Variants in LRP1B observed in about 807,000 individuals in gnomAD.
LRP1B encodes the protein low-density lipoprotein receptor-related protein 1B.
A neutral mutation model predicts 556.6 loss-of-function variants in LRP1B; 217 were observed. That is an observed-to-expected ratio of 0.39 (90% CI 0.35 to 0.44). The LOEUF (loss-of-function observed/expected upper bound fraction) is 0.44. LRP1B is among the 20% of genes least tolerant of loss of function. LRP1B has a pLI of 1.00. For missense variants in LRP1B, 5,053 were observed against 5,620.8 expected, an observed-to-expected ratio of 0.90 and a Z score of 3.23; for synonymous variants, 2,047 against 1,865.8, an observed-to-expected ratio of 1.10 and a Z score of -2.50.
chr2:140,580,860 C>A (rs1681733283), intron 43 of LRP1B, among the ~76,000 whole-genome samples: 1 of 152,150 alleles, frequency 6.6e-6, no homozygotes. Context: ...CCAGAAATAT[C>A]CTCCTGGATG....
At chr2:140,868,843 G>A (rs1238977924) in intron 25 of LRP1B, among the ~76,000 whole-genome samples, 1 of 152,046 alleles carries the variant, frequency 6.6e-6, no homozygotes, top group African/African-American at 2.4e-5. Flanking sequence ...GAGGAGAAAT[G>A]TTATTCTCTA....
chr2:140,528,090 G>A (rs1196004371), intron 47 of LRP1B, among the ~76,000 whole-genome samples: 3 of 151,896 alleles, frequency 2.0e-5, no homozygotes, highest in African/African-American at 7.2e-5. Flanking sequence ...CTCCCATAGA[G>A]AATTCTCTGT....
At chr2:141,086,602 G>A (rs1357264293) in intron 7 of LRP1B, among the ~76,000 whole-genome samples, 1 of 149,098 alleles carries the variant, frequency 6.7e-6, no homozygotes, top group African/African-American at 2.5e-5. Flanking sequence ...ATATTTTAAG[G>A]AGGTTAGTAT....
At chr2:140,285,793 T>A (rs1683121655) in intron 84 of LRP1B, among the ~76,000 whole-genome samples, 1 of 151,474 alleles carries the variant, frequency 6.6e-6, no homozygotes, top group African/African-American at 2.4e-5. Flanking sequence ...AGACTATTTT[T>A]AAAAATCATC....
intron 41 of LRP1B, among the ~76,000 whole-genome samples, chr2:140,603,579 C>T (rs185942696): frequency 3.3e-5 from 5 of 152,184 alleles, no homozygotes; most frequent in East Asian, 3.9e-4. Flanking sequence ...TCTTCCTCTT[C>T]GTAACTTTCT....
chr2:141,048,942 T>C (rs200902448), intron 11 of LRP1B, 44 bp downstream of exon 11: 1 of 1,417,664 alleles, frequency 7.1e-7, no homozygotes. Context: ...TTTAAAGTGC[T>C]TCATCTCTGG....
chr2:141,715,434 G>T (rs1413202539), intron 2 of LRP1B, among the ~76,000 whole-genome samples: 1 of 152,050 alleles, frequency 6.6e-6, no homozygotes, highest in African/African-American at 2.4e-5. Context: ...TTGTGCCACT[G>T]CACTCCAGTC....
chr2:140,543,580 T>C (rs1680215851), intron 43 of LRP1B, among the ~76,000 whole-genome samples: 1 of 151,870 alleles, frequency 6.6e-6, no homozygotes, highest in Admixed American at 6.6e-5. Context: ...ACTCAAAAAA[T>C]ATGAATAGAA....
intron 1 of LRP1B, among the ~76,000 whole-genome samples, chr2:141,913,009 C>T (rs1699944269): frequency 6.6e-6 from 1 of 152,068 alleles, no homozygotes; most frequent in Non-Finnish European, 1.5e-5. Context: ...TCCTCTTGAT[C>T]TATCTTAATG....
chr2:140,803,289 T>TG (rs1690584295), intron 32 of LRP1B, among the ~76,000 whole-genome samples: 1 of 143,414 alleles, frequency 7.0e-6, no homozygotes, highest in African/African-American at 2.7e-5. Flanking sequence ...TTTTTTTTTT[T>TG]TCCGAGATGG....
At chr2:141,867,479 A>G (rs755032796) in intron 1 of LRP1B, among the ~76,000 whole-genome samples, 10 of 152,296 alleles carry the variant, frequency 6.6e-5, no homozygotes, top group Non-Finnish European at 2.9e-5. Flanking sequence ...AGATTCCTGT[A>G]TCTTTCAGAA....
At chr2:141,912,719 C>G (rs1237003843) in intron 1 of LRP1B, among the ~76,000 whole-genome samples, 2 of 152,142 alleles carry the variant, frequency 1.3e-5, no homozygotes, top group East Asian at 1.9e-4. Flanking sequence ...GATGTCCTCC[C>G]TATACTAGAA....
intron 1 of LRP1B, among the ~76,000 whole-genome samples, chr2:142,062,476 C>T (rs182225589): frequency 6.5e-4 from 99 of 151,878 alleles, no homozygotes; most frequent in African/African-American, 2.1e-3. Flanking sequence ...AATGGGCTTA[C>T]TTCAACTATA....
At chr2:140,748,833 A>ATAT (rs1688468231) in intron 35 of LRP1B, among the ~76,000 whole-genome samples, 1 of 121,424 alleles carries the variant, frequency 8.2e-6, no homozygotes, top group Non-Finnish European at 1.7e-5. Context: ...TATATCATAT[A>ATAT]TTATATACAT....
chr2:140,678,326 C>T lies in LRP1B; in HGVS notation c.6799+21924G>A, dbSNP rs185893805. Among the ~76,000 whole-genome samples the T allele has an allele frequency of 3.2e-4, 48 of 152,138 alleles. 1 individual carries two copies. In the East Asian group the frequency reaches 5.4e-3, roughly 17 times the overall value. On this transcript the variant is annotated intron_variant, in intron 41 of 90. Transcript: ENST00000389484. ...CTTTTTCTCTCATAAAATATCTTTC[C>T]TTTGGAATAAGAAGCTAATAAAATG...
intron 3 of LRP1B, among the ~76,000 whole-genome samples, chr2:141,414,297 GGAAAA>G (rs1690996987): frequency 6.8e-6 from 1 of 146,132 alleles, no homozygotes; most frequent in African/African-American, 2.5e-5. Context: ...GGGAGGCAGG[GGAAAA>G]GAAAAGAAAA....
intron 3 of LRP1B, among the ~76,000 whole-genome samples, chr2:141,305,476 T>C (rs926567352): frequency 1.3e-5 from 2 of 152,220 alleles, no homozygotes; most frequent in African/African-American, 2.4e-5. Flanking sequence ...TTGTCAGTTA[T>C]AAGATAGTTT....
At chr2:140,836,993 T>C (rs771170181) in intron 31 of LRP1B, among the ~76,000 whole-genome samples, 13 of 152,218 alleles carry the variant, frequency 8.5e-5, no homozygotes, top group Non-Finnish European at 1.6e-4. Flanking sequence ...GTTACATATA[T>C]TTCCTCTACT....
intron 3 of LRP1B, among the ~76,000 whole-genome samples, chr2:141,402,692 A>T (rs2104927744): frequency 6.6e-6 from 1 of 152,230 alleles, no homozygotes; most frequent in South Asian, 2.1e-4. Flanking sequence ...CAAACTATGT[A>T]ACATTGTAAA....
Sources: allele counts gnomAD v4.1 joint callset (sites outside exome capture counted in the v4.1 genomes callset), GRCh38; gene constraint gnomAD v4.1.1; transcripts MANE v1.5; gene names NCBI Gene and HGNC (gene_info 2026-07-23, HGNC 2026-07-21).